MYO9A: variants seen among roughly 807,000 people sequenced by gnomAD.
MYO9A encodes the protein myosin IXA, also known as unconventional myosin-IXa.
Under a neutral mutation model 293.3 loss-of-function variants are expected in MYO9A, and 103 were observed. The observed-to-expected ratio is 0.35, with a 90% CI of 0.30 to 0.41. MYO9A has a LOEUF of 0.41. MYO9A is among the 10% of genes least tolerant of loss of function. The pLI, the probability that MYO9A is intolerant of heterozygous loss-of-function variation, is 1.00. For missense variants in MYO9A, 2,685 were observed against 3,033.0 expected (o/e 0.89, Z 2.69); for synonymous variants, 1,001 against 1,035.7 (o/e 0.97, Z 0.64).
In MYO9A at chr15:71,848,984, AG is replaced by A. The variant is rs760752882; in HGVS notation, c.6714-17del. 1 of 1,574,896 alleles carries A rather than the reference AG, an allele frequency of 6.3e-7. No homozygotes were observed. The highest frequency in any genetic ancestry group is 1.4e-5 in the African/African-American group (1 of 72,742). On this transcript the variant is annotated splice_polypyrimidine_tract_variant and intron_variant, in intron 38 of 41. Transcript: ENST00000356056. ...TTCCACACAACTGAAACAGAAGGAA[AG>A]AGAAAAAAACTGTTAAGAGGTGAAG...
intron 1 of MYO9A, among the ~76,000 whole-genome samples, chr15:72,047,234 G>A (rs1305503547): frequency 1.3e-5 from 2 of 152,216 alleles, no homozygotes; most frequent in African/African-American, 2.4e-5. Context: ...AAGGTGGGAA[G>A]GAGAAGGGAG....
chr15:71,876,104 C>T (rs940572982), intron 31 of MYO9A, among the ~76,000 whole-genome samples: 4 of 151,874 alleles, frequency 2.6e-5, no homozygotes, highest in African/African-American at 7.3e-5. Context: ...CAGAAGCCAC[C>T]GCCATATTAA....
At chr15:71,852,521 G>T (rs1266157189) in intron 35 of MYO9A, among the ~76,000 whole-genome samples, 1 of 151,956 alleles carries the variant, frequency 6.6e-6, no homozygotes, top group Non-Finnish European at 1.5e-5. Flanking sequence ...GCGCCGCCAC[G>T]CTTAGCTAAT....
intron 32 of MYO9A, among the ~76,000 whole-genome samples, chr15:71,870,101 CATT>C (rs1290595856): frequency 6.6e-6 from 1 of 152,008 alleles, no homozygotes; most frequent in African/African-American, 2.4e-5. Context: ...CCATGCCTAA[CATT>C]ATGGGCTCTC....
At chr15:72,045,493 T>C in intron 2 of MYO9A, 5 of 333,476 alleles carry the variant, frequency 1.5e-5, no homozygotes, top group Non-Finnish European at 2.2e-5. Flanking sequence ...CTGGAACTCC[T>C]GACCTCAGGT....
At chr15:71,920,244 CT>C (rs1344792762) in intron 18 of MYO9A, among the ~76,000 whole-genome samples, 1 of 152,110 alleles carries the variant, frequency 6.6e-6, no homozygotes, top group Non-Finnish European at 1.5e-5. Context: ...TTATCTACCA[CT>C]TGCTGTGCAA....
chr15:72,038,103 G>A (rs1596446572), intron 2 of MYO9A, among the ~76,000 whole-genome samples: 1 of 151,732 alleles, frequency 6.6e-6, no homozygotes, highest in East Asian at 1.9e-4. Flanking sequence ...CCATTTTTTT[G>A]TAGAGACAGG....
chr15:71,840,449 C>T (rs1488253120), intron 39 of MYO9A, among the ~76,000 whole-genome samples: 1 of 151,984 alleles, frequency 6.6e-6, no homozygotes, highest in East Asian at 1.9e-4. Flanking sequence ...CCAAGTGGAG[C>T]CCATGGTAGT....
chr15:71,925,510 G>A (rs1314002560), intron 18 of MYO9A, among the ~76,000 whole-genome samples: 2 of 151,566 alleles, frequency 1.3e-5, no homozygotes, highest in Admixed American at 6.6e-5. Flanking sequence ...GTGGTTTTCT[G>A]GAGAGTTAAG....
chr15:71,854,312 T>C, intron 35 of MYO9A, 65 bp downstream of exon 35: 1 of 1,252,368 alleles, frequency 8.0e-7, no homozygotes, highest in Non-Finnish European at 1.1e-6. Context: ...ATGAAAACTT[T>C]AAGAGCATGA....
chr15:72,091,771 T>G (rs1207393931), intron 1 of MYO9A, among the ~76,000 whole-genome samples: 1 of 151,566 alleles, frequency 6.6e-6, no homozygotes, highest in Non-Finnish European at 1.5e-5. Context: ...TGGAGTGCAG[T>G]GGCGCGATCT....
At chr15:71,878,919 G>T (rs1359518854) in intron 30 of MYO9A, among the ~76,000 whole-genome samples, 1 of 151,536 alleles carries the variant, frequency 6.6e-6, no homozygotes, top group African/African-American at 2.4e-5. Flanking sequence ...ACCATACCTA[G>T]CTAATTTTTG....
At chr15:72,106,408 C>T (rs1331998761) in intron 1 of MYO9A, among the ~76,000 whole-genome samples, 1 of 152,192 alleles carries the variant, frequency 6.6e-6, no homozygotes, top group East Asian at 1.9e-4. Flanking sequence ...AGAAGGATGG[C>T]TTGAACCCAA....
Position 72,046,631 on chromosome 15 carries a change from A to G in MYO9A, c.-68T>C, listed in dbSNP as rs1424851939. 1 of 1,466,608 alleles carries G rather than the reference A, an allele frequency of 6.8e-7. No individual in the cohort carries two copies. The highest frequency in any genetic ancestry group is 1.4e-5 in the African/African-American group (1 of 71,234). The allele number at this position is 1,466,608 out of a possible 1,614,324, so 90.8% of individuals were successfully genotyped here. A position where few individuals can be genotyped will look rare whatever the true frequency, so the allele number is the denominator to read the frequency against. On this transcript the variant is annotated 5_prime_UTR_variant, in exon 2 of 42. Coordinates refer to ENST00000356056, the MANE Select transcript of MYO9A (RefSeq NM_006901.4). The stretch of plus-strand genomic sequence containing the variant: ...TCGTGCAAACCATTTTCTTGGTAAA[A>G]TAACTGTAACATAAAAGATGCAAAA...
intron 12 of MYO9A, among the ~76,000 whole-genome samples, chr15:71,977,886 A>C (rs1449448962): frequency 6.6e-6 from 1 of 152,040 alleles, no homozygotes; most frequent in African/African-American, 2.4e-5. Context: ...AAATACAAAA[A>C]ATTAGCCAGG....
chr15:71,882,978 T>A (rs985550204), intron 28 of MYO9A, among the ~76,000 whole-genome samples: 1 of 151,986 alleles, frequency 6.6e-6, no homozygotes, highest in African/African-American at 2.4e-5. Flanking sequence ...CTAATTTTTA[T>A]ATTTTTTGTA....
Position 72,020,926 on chromosome 15 carries a change from G to A in MYO9A, c.1090C>T (p.Leu364Phe). The A allele has an allele frequency of 6.6e-7, 1 of 1,525,832 alleles. No homozygotes were observed. Among genetic ancestry groups the A allele is most frequent in the East Asian group, 2.5e-5 (1 of 39,704 alleles). The allele number at this position is 1,525,832 out of a possible 1,614,324, so 94.5% of individuals were successfully genotyped here. Residue 364 changes from leucine (L) to phenylalanine (F), a missense_variant, in exon 5 of 42, where the codon CTC becomes TTC. Physicochemically the swap from Leu to Phe is conservative, Grantham distance 22. Transcript: ENST00000356056. ...HLKQPEEYHY[L>F]NQITKKPLRQ... ...TTTTTATGAACTCTCACCTGATTGA[G>A]ATAATGATATTCCTCTGGTTGCTTA...
intron 39 of MYO9A, among the ~76,000 whole-genome samples, chr15:71,844,236 C>T (rs918904719): frequency 6.6e-6 from 1 of 152,176 alleles, no homozygotes; most frequent in East Asian, 1.9e-4. Context: ...CCATATTTGG[C>T]ACACAGTACT....
Position 71,967,973 on chromosome 15 carries a change from A to C in MYO9A, c.1986+11T>G. On this transcript the variant is annotated intron_variant, in intron 13 of 41. Coordinates refer to ENST00000356056, the MANE Select transcript of MYO9A (RefSeq NM_006901.4). ...TGCCCTGTAAGCATATTCAGTGAGA[A>C]ATTTACTGACCTTTACCCCATATTT... The C allele has an allele frequency of 6.2e-7, 1 of 1,600,096 alleles. No individual in the cohort carries two copies. Among genetic ancestry groups the C allele is most frequent in the Non-Finnish European group, 8.5e-7 (1 of 1,173,152 alleles).
Sources: gnomAD v4.1 joint callset for allele counts (sites outside exome capture counted in the v4.1 genomes callset) on GRCh38, gnomAD v4.1.1 for gene constraint, MANE v1.5 for transcripts, NCBI Gene and HGNC (gene_info 2026-07-23, HGNC 2026-07-21) for gene names.